Variants in SLC25A25 observed in about 807,000 individuals in gnomAD.
SLC25A25 encodes mitochondrial adenyl nucleotide antiporter SLC25A25.
In SLC25A25, 32 loss-of-function variants were observed where a neutral mutation model predicts 57.7. The observed-to-expected ratio is 0.55, with a 90% CI of 0.42 to 0.74. The LOEUF is 0.74. Among genes scored for constraint, SLC25A25 ranks in the 30% least tolerant of loss-of-function variants. The pLI, the probability that SLC25A25 is intolerant of heterozygous loss-of-function variation, is 0.00. For missense variants in SLC25A25, 556 were observed against 701.3 expected, an observed-to-expected ratio of 0.79 and a Z score of 2.34; for synonymous variants, 306 against 291.2, an observed-to-expected ratio of 1.05 and a Z score of -0.52.
intron 1 of SLC25A25, among the ~76,000 whole-genome samples, chr9:128,078,181 G>C (rs933502602): frequency 3.3e-5 from 5 of 152,116 alleles, no homozygotes; most frequent in Admixed American, 6.6e-5. Context: ...ACTGCATAAG[G>C]GGGGTGTGTG....
chr9:128,106,107 A>C, intron 7 of SLC25A25, 43 bp from the exon 8 acceptor site: 1 of 1,611,698 alleles, frequency 6.2e-7, no homozygotes, highest in Non-Finnish European at 8.5e-7. Context: ...CAGGTGCCCC[A>C]ACCTCTGGGT....
chr9:128,098,014 C>CCA (rs900189291), intron 1 of SLC25A25, among the ~76,000 whole-genome samples: 8 of 152,282 alleles, frequency 5.3e-5, no homozygotes, highest in African/African-American at 1.7e-4. Context: ...TGGCTCTCGG[C>CCA]CACCCCTCAG....
At chr9:128,087,925 C>A (rs1309640974) in intron 1 of SLC25A25, among the ~76,000 whole-genome samples, 1 of 152,158 alleles carries the variant, frequency 6.6e-6, no homozygotes, top group Non-Finnish European at 1.5e-5. Flanking sequence ...TCCTTACTTT[C>A]TTGTGCATAG....
intron 1 of SLC25A25, chr9:128,098,497 CG>C (rs1833636329): frequency 1.9e-6 from 3 of 1,545,718 alleles, no homozygotes; most frequent in Non-Finnish European, 1.8e-6. Flanking sequence ...GCAAGTTTCC[CG>C]GGACCGGCAG....
At chr9:128,089,043 G>A (rs1040866764) in intron 1 of SLC25A25, among the ~76,000 whole-genome samples, 2 of 151,996 alleles carry the variant, frequency 1.3e-5, no homozygotes, top group Non-Finnish European at 2.9e-5. Context: ...CTACAGGTGC[G>A]CACCACCATG....
chr9:128,098,997 G>A (rs1480368522), intron 1 of SLC25A25: 1 of 985,306 alleles, frequency 1.0e-6, no homozygotes, highest in African/African-American at 1.7e-5. Context: ...GAATGAGGGG[G>A]GTGTTCCTGA....
In SLC25A25 at chr9:128,099,793, G is replaced by A. The variant is rs894218170; in HGVS notation, c.262-1303G>A. ...CTGTCAGTAGTGTGTCTAAGAGAGAGGCGCGGTGGTGATCCTTTGAGGACG... is the reference window on the plus strand; with the variant it reads ...CTGTCAGTAGTGTGTCTAAGAGAGAAGCGCGGTGGTGATCCTTTGAGGACG... On this transcript the variant is annotated intron_variant, in intron 1 of 10. Transcript: ENST00000373069. This position sits in a 1 kb window ranked among gnomAD's most constrained non-coding sequence, Gnocchi z 6.8. Among the ~76,000 whole-genome samples, 1 of 152,200 alleles carries A rather than the reference G, an allele frequency of 6.6e-6. No homozygotes were observed. Among genetic ancestry groups the A allele is most frequent in the Non-Finnish European group, 1.5e-5 (1 of 68,032 alleles).
intron 1 of SLC25A25, among the ~76,000 whole-genome samples, chr9:128,076,689 C>T (rs530308852): frequency 2.0e-5 from 3 of 151,752 alleles, no homozygotes; most frequent in East Asian, 3.9e-4. Flanking sequence ...AGGATGGTCT[C>T]GATCTCCTGA....
intron 1 of SLC25A25, among the ~76,000 whole-genome samples, chr9:128,078,527 G>A (rs767972323): frequency 6.6e-6 from 1 of 151,870 alleles, no homozygotes; most frequent in Non-Finnish European, 1.5e-5. Context: ...AAAAGTTGTA[G>A]TAGACTCACT....
At chr9:128,106,636 C>A in intron 9 of SLC25A25, 116 bp downstream of exon 9, 4 of 1,259,138 alleles carry the variant, frequency 3.2e-6, no homozygotes, top group Non-Finnish European at 4.3e-6. Context: ...ACTGCGCCTC[C>A]TTCCTGCTCT....
Position 128,102,023 on chromosome 9 carries a change from G to T in SLC25A25, c.477-57G>T, listed in dbSNP as rs118142698. 2 of 1,546,062 alleles carry T rather than the reference G, an allele frequency of 1.3e-6. No individual in the cohort carries two copies. Among genetic ancestry groups the T allele is most frequent in the African/African-American group, 2.7e-5 (2 of 72,946 alleles). ...GTGCTTGCTTCACTAACATGGCTCC[G>T]AGCACTTATGCGTGTTGTTTCTGCT... On this transcript the variant is annotated intron_variant, in intron 3 of 10. Coordinates refer to ENST00000373069, the MANE Select transcript of SLC25A25 (RefSeq NM_001330988.2). This position sits in a 1 kb window ranked among gnomAD's most constrained non-coding sequence, Gnocchi z 4.1.
Position 128,107,670 on chromosome 9 carries a change from T to G in SLC25A25, c.*226T>G. The G allele has an allele frequency of 2.2e-6, 1 of 461,196 alleles. No homozygotes were observed. Among genetic ancestry groups the G allele is most frequent in the Non-Finnish European group, 3.7e-6 (1 of 267,536 alleles). The allele number at this position is 461,196 out of a possible 1,614,324, so 28.6% of individuals were successfully genotyped here. ...TTCCAGCGAAGACCACAGGCATTCCTTAGGGTCCAGGGTCAGCAGGCTCCG... is the reference window on the plus strand; with the variant it reads ...TTCCAGCGAAGACCACAGGCATTCCGTAGGGTCCAGGGTCAGCAGGCTCCG... On this transcript the variant is annotated 3_prime_UTR_variant, in exon 11 of 11. Coordinates refer to ENST00000373069, the MANE Select transcript of SLC25A25 (RefSeq NM_001330988.2).
At chr9:128,077,394 G>A (rs550547214) in intron 1 of SLC25A25, among the ~76,000 whole-genome samples, 2 of 152,236 alleles carry the variant, frequency 1.3e-5, no homozygotes, top group African/African-American at 4.8e-5. Flanking sequence ...GCGGGCGCCT[G>A]TGGTCCCAGC....
chr9:128,107,430 G>T lies in SLC25A25; in HGVS notation c.1534G>T (p.Val512Leu). 4.0e-6 allele frequency: 6 copies of T among 1,507,086 alleles called. No homozygotes were observed. The highest frequency in any genetic ancestry group is 5.3e-6 in the Non-Finnish European group (6 of 1,127,002). The allele number at this position is 1,507,086 out of a possible 1,614,324, so 93.4% of individuals were successfully genotyped here. Reference sequence around the variant, plus strand: ...CGAGAACCTGAAGATCACCCTGGGCGTGCAGTCGCGGTGACGGGGGGAGGG... The same window carrying T: ...CGAGAACCTGAAGATCACCCTGGGCTTGCAGTCGCGGTGACGGGGGGAGGG... ...VYENLKITLG[V>L]QSR Residue 512 changes from valine to leucine, a missense_variant, in exon 11 of 11, where the codon GTG becomes TTG. By Grantham distance (32) the Val-to-Leu change is conservative. Transcript: ENST00000373069.
intron 6 of SLC25A25, among the ~76,000 whole-genome samples, chr9:128,104,562 A>G (rs1412294282): frequency 1.3e-5 from 2 of 152,176 alleles, no homozygotes; most frequent in African/African-American, 4.8e-5. Context: ...TTTCCCTCCC[A>G]GGACTTCCCC....
intron 1 of SLC25A25, 155 bp from the exon 2 acceptor site, chr9:128,100,941 A>G (rs141730273): frequency 2.9e-6 from 3 of 1,017,104 alleles, no homozygotes; most frequent in East Asian, 2.6e-5. Context: ...GTCGATTGCC[A>G]TGGTGGCTCT....
Position 128,108,386 on chromosome 9 carries a change from G to A in SLC25A25, c.*942G>A, listed in dbSNP as rs1184317872. ...AGCGACTTCTGTGCTTCCAGAGGAA[G>A]ACGAGGGAGCAGGAGCTTGGCTGAC... is the stretch of plus-strand genomic sequence containing the variant. On this transcript the variant is annotated 3_prime_UTR_variant, in exon 11 of 11. Coordinates refer to ENST00000373069, the MANE Select transcript of SLC25A25 (RefSeq NM_001330988.2). The A allele has an allele frequency of 2.5e-6, 1 of 397,750 alleles. No homozygotes were observed. The highest frequency in any genetic ancestry group is 3.6e-5 in the East Asian group (1 of 28,070). The allele number at this position is 397,750 out of a possible 1,614,324, so 24.6% of individuals were successfully genotyped here. A position where few individuals can be genotyped will look rare whatever the true frequency, so the allele number is the denominator to read the frequency against.
At chr9:128,072,070 G>C (rs1424468205) in intron 1 of SLC25A25, among the ~76,000 whole-genome samples, 1 of 152,202 alleles carries the variant, frequency 6.6e-6, no homozygotes, top group Admixed American at 6.5e-5. Flanking sequence ...TTGTTATACA[G>C]CTTTGAGATC....
rs755929446 is a variant in SLC25A25 at position 128,105,845 on chromosome 9, C to A, written c.900C>A (p.Ala300=). 1.9e-6 allele frequency: 3 copies of A among 1,614,050 alleles called. No homozygotes were observed. The highest frequency in any genetic ancestry group is 2.5e-6 in the Non-Finnish European group (3 of 1,180,048). The change falls in exon 7 of 11, where the codon GCC becomes GCA. Residue 300 remains alanine, a synonymous_variant. Coordinates refer to ENST00000373069, the MANE Select transcript of SLC25A25 (RefSeq NM_001330988.2). ...ATGGCATCAACGTCCTCAAAATTGCCCCCGAATCAGCCATCAAATTCATGG... is the reference window on the plus strand; with the variant it reads ...ATGGCATCAACGTCCTCAAAATTGCACCCGAATCAGCCATCAAATTCATGG... ...RGNGINVLKI[A]PESAIKFMAY...
Sources: allele counts gnomAD v4.1 joint callset (sites outside exome capture counted in the v4.1 genomes callset), GRCh38; gene constraint gnomAD v4.1.1; non-coding constraint Gnocchi (gnomAD v3.1); transcripts MANE v1.5; gene names NCBI Gene and HGNC (gene_info 2026-07-23, HGNC 2026-07-21).